ZNF277: variants seen among roughly 807,000 people sequenced by gnomAD.
The protein encoded by ZNF277 is zinc finger protein 277, also known as nuclear receptor-interacting factor 4.
ZNF277 carries 55 observed loss-of-function variants against 60.7 expected under a neutral mutation model. That is an observed-to-expected ratio of 0.91 (90% CI 0.73 to 1.13). The LOEUF (loss-of-function observed/expected upper bound fraction) is 1.13, where lower values mean the gene tolerates loss of function less well. Ranked by LOEUF, ZNF277 falls within the 50% of genes most tolerant of loss-of-function variation. ZNF277 has a pLI of 0.00. For synonymous variants in ZNF277, 178 were observed against 179.3 expected (o/e 0.99, Z 0.06); for missense variants, 510 against 523.0 (o/e 0.98, Z 0.24).
At chr7:112,318,331 A>T in intron 5 of ZNF277, 58 bp downstream of exon 5, 2 of 1,421,602 alleles carry the variant, frequency 1.4e-6, no homozygotes, top group South Asian at 1.2e-5. Context: ...TCATCAGAAC[A>T]TCCCTAACTG....
At chr7:112,218,618 C>T (rs1821948289) in intron 1 of ZNF277, among the ~76,000 whole-genome samples, 1 of 152,186 alleles carries the variant, frequency 6.6e-6, no homozygotes, top group Non-Finnish European at 1.5e-5. Flanking sequence ...TCTCTCCAAT[C>T]TTCCCCTCCC....
At chr7:112,271,666 G>T (rs76507556) in intron 1 of ZNF277, among the ~76,000 whole-genome samples, 1,774 of 152,292 alleles carry the variant, frequency 0.012, 33 homozygotes, top group African/African-American at 0.041. Context: ...TAGCAGGCAG[G>T]CATGTAACTG....
intron 1 of ZNF277, among the ~76,000 whole-genome samples, chr7:112,263,889 G>C (rs1791489171): frequency 6.6e-6 from 1 of 151,948 alleles, no homozygotes; most frequent in Non-Finnish European, 1.5e-5. Flanking sequence ...CAGTTTATTG[G>C]GTTCTCAGGC....
At chr7:112,273,470 T>C (rs990275740) in intron 1 of ZNF277, among the ~76,000 whole-genome samples, 5 of 152,238 alleles carry the variant, frequency 3.3e-5, no homozygotes, top group Admixed American at 2.0e-4. Flanking sequence ...CTGTCTTTCC[T>C]ACCTTCTTCA....
At position 112,206,724 on chromosome 7, in the gene ZNF277, C is replaced by T. The variant is rs1331154920; in HGVS notation, c.8C>T (p.Ala3Val). The T allele has an allele frequency of 1.9e-6, 3 of 1,613,240 alleles. No homozygotes were observed. Among genetic ancestry groups the T allele is most frequent in the South Asian group, 1.1e-5 (1 of 91,042 alleles). Reference protein sequence around the residue: MAASKTQGAVARM... With the variant: MAVSKTQGAVARM... ...TTTCTTTTCTGCCGGGTAATGGCTG[C>T]TTCCAAGACCCAGGGGGCTGTCGCC... Residue 3 changes from alanine to valine, a missense_variant, in exon 1 of 12, where the codon GCT (alanine) becomes GTT (valine). Transcript: ENST00000361822.
At chr7:112,313,476 G>A (rs1022023516) in intron 4 of ZNF277, among the ~76,000 whole-genome samples, 4 of 151,760 alleles carry the variant, frequency 2.6e-5, no homozygotes, top group Non-Finnish European at 5.9e-5. Context: ...AATGATGGGG[G>A]TCTCCCTATG....
intron 1 of ZNF277, among the ~76,000 whole-genome samples, chr7:112,265,785 T>C (rs1791536870): frequency 6.6e-6 from 1 of 152,204 alleles, no homozygotes; most frequent in Non-Finnish European, 1.5e-5. Context: ...TGTTCAGTTT[T>C]TTTATTCAGA....
intron 1 of ZNF277, among the ~76,000 whole-genome samples, chr7:112,258,992 A>G (rs112744063): frequency 1.3e-5 from 2 of 152,048 alleles, no homozygotes; most frequent in East Asian, 3.9e-4. Context: ...TTTGCTTCAA[A>G]TAGTATTCTC....
At position 112,296,926 on chromosome 7, in the gene ZNF277, T is replaced by TA. The variant is rs1231651790; in HGVS notation, c.465+615_465+616insA. On this transcript the variant is annotated intron_variant, in intron 4 of 11. Coordinates refer to ENST00000361822, the MANE Select transcript of ZNF277 (RefSeq NM_021994.3). ...TTTATTTATTTATTTTTTTTTTTTT[T>TA]TTTTTTTTTTTTTTTTTTTGAGATG... Among the ~76,000 whole-genome samples the TA allele has an allele frequency of 6.8e-3, 558 of 82,378 alleles. 5 individuals carry two copies. The highest frequency in any genetic ancestry group is 0.037 in the South Asian group (74 of 2,020). The allele number at this position is 82,378 out of a possible 152,430, so 54.0% of individuals were successfully genotyped here. A position where few individuals can be genotyped will look rare whatever the true frequency, so the allele number is the denominator to read the frequency against.
chr7:112,231,203 A>ACTCC (rs1282444587), intron 1 of ZNF277, among the ~76,000 whole-genome samples: 1 of 107,978 alleles, frequency 9.3e-6, no homozygotes, highest in Admixed American at 1.0e-4. Flanking sequence ...ACAATGTGAG[A>ACTCC]CTCCGTCTCA....
intron 5 of ZNF277, among the ~76,000 whole-genome samples, chr7:112,326,610 A>G (rs1441935901): frequency 6.6e-6 from 1 of 151,686 alleles, no homozygotes; most frequent in Non-Finnish European, 1.5e-5. Flanking sequence ...CATACTAACC[A>G]CAAGGTTAAT....
At chr7:112,289,812 C>T (rs544415844) in intron 2 of ZNF277, among the ~76,000 whole-genome samples, 13 of 151,210 alleles carry the variant, frequency 8.6e-5, no homozygotes, top group South Asian at 4.2e-4. Flanking sequence ...ACAACCTCCA[C>T]CTCCCTGGCT....
intron 5 of ZNF277, among the ~76,000 whole-genome samples, chr7:112,321,906 G>C (rs1187541260): frequency 6.6e-6 from 1 of 152,024 alleles, no homozygotes; most frequent in Non-Finnish European, 1.5e-5. Context: ...TCTTTCAAGA[G>C]ACTCTCTTCA....
chr7:112,249,437 AAG>A (rs1418996977), intron 1 of ZNF277, among the ~76,000 whole-genome samples: 2 of 152,114 alleles, frequency 1.3e-5, no homozygotes, highest in East Asian at 3.9e-4. Context: ...CGGGGATTGG[AAG>A]AGAGAGGTCT....
intron 9 of ZNF277, among the ~76,000 whole-genome samples, chr7:112,339,078 G>T (rs768156062): frequency 6.6e-6 from 1 of 152,182 alleles, no homozygotes; most frequent in Non-Finnish European, 1.5e-5. Flanking sequence ...AAGCTTTGAG[G>T]TTTAAACAGT....
chr7:112,308,489 C>T (rs1339058552), intron 4 of ZNF277, among the ~76,000 whole-genome samples: 1 of 151,716 alleles, frequency 6.6e-6, no homozygotes, highest in Non-Finnish European at 1.5e-5. Context: ...TGCACTCTAG[C>T]CTGGACAACA....
Position 112,230,283 on chromosome 7 carries a change from T to C in ZNF277, c.91+23476T>C. Among the ~76,000 whole-genome samples, 2 of 152,162 alleles carry C rather than the reference T, an allele frequency of 1.3e-5. 1 individual carries two copies. Among genetic ancestry groups the C allele is most frequent in the Non-Finnish European group, 2.9e-5 (2 of 68,006 alleles). On this transcript the variant is annotated intron_variant, in intron 1 of 11. Coordinates refer to ENST00000361822, the MANE Select transcript of ZNF277 (RefSeq NM_021994.3). ...CTCTACTAGAAACAGCCTGTGGCCG[T>C]ACTAATGTGAGAATGGATATAGGGG...
intron 1 of ZNF277, among the ~76,000 whole-genome samples, chr7:112,222,894 C>A (rs1221477627): frequency 6.6e-6 from 1 of 152,182 alleles, no homozygotes; most frequent in African/African-American, 2.4e-5. Flanking sequence ...GCTGCCAGCA[C>A]AGCTAGAATA....
intron 1 of ZNF277, among the ~76,000 whole-genome samples, chr7:112,272,171 G>A (rs1440821230): frequency 6.6e-6 from 1 of 152,050 alleles, no homozygotes; most frequent in Admixed American, 6.6e-5. Flanking sequence ...ACAAATAAGG[G>A]AGAACATGCA....
Sources: allele counts gnomAD v4.1 joint callset (sites outside exome capture counted in the v4.1 genomes callset), GRCh38; gene constraint gnomAD v4.1.1; transcripts MANE v1.5; gene names NCBI Gene and HGNC (gene_info 2026-07-23, HGNC 2026-07-21).